TEX101: variants seen among roughly 807,000 people sequenced by gnomAD.
TEX101 encodes the protein testis expressed 101.
Under a neutral mutation model 18.1 loss-of-function variants are expected in TEX101, and 10 were observed. The ratio of observed to expected loss-of-function variants is 0.55; its 90% CI spans 0.34 to 0.94. TEX101 has a LOEUF of 0.94. Ranked by LOEUF, TEX101 falls within the 40% of genes least tolerant of loss-of-function variation. The pLI, the probability that TEX101 is intolerant of heterozygous loss-of-function variation, is 0.02. For synonymous variants in TEX101, 94 were observed against 114.8 expected (o/e 0.82, Z 1.16); for missense variants, 259 against 298.9 (o/e 0.87, Z 0.98).
chr19:43,413,646 A>T (rs1030313779), upstream of TEX101, among the ~76,000 whole-genome samples: 6 of 151,942 alleles, frequency 3.9e-5, no homozygotes, highest in Non-Finnish European at 4.4e-5. Context: ...CTACAACTTC[A>T]TGTCACACCT....
chr19:43,413,647 T>C (rs539973813), upstream of TEX101, among the ~76,000 whole-genome samples: 1 of 152,030 alleles, frequency 6.6e-6, no homozygotes, highest in African/African-American at 2.4e-5. Flanking sequence ...TACAACTTCA[T>C]GTCACACCTG....
chr19:43,394,616 A>C, the TEX101 span, among the ~76,000 whole-genome samples: 1 of 151,992 alleles, frequency 6.6e-6, no homozygotes, highest in Non-Finnish European at 1.5e-5. Context: ...GACTACAAGC[A>C]CGTGCCACCA....
upstream of TEX101, among the ~76,000 whole-genome samples, chr19:43,401,192 C>G (rs1042264788): frequency 4.1e-4 from 62 of 152,308 alleles, no homozygotes; most frequent in African/African-American, 1.4e-3. Context: ...TAAAAAAATT[C>G]ACATATTTAC....
intron 3 of TEX101, among the ~76,000 whole-genome samples, chr19:43,406,931 G>GT (rs1002990799): frequency 0.1 from 11,910 of 115,968 alleles, 646 homozygotes; most frequent in African/African-American, 0.13. Flanking sequence ...TTTGTTTTTT[G>GT]TTTTTTTTTT....
chr19:43,406,178 A>G (rs2122325485), intron 2 of TEX101: 1 of 316,268 alleles, frequency 3.2e-6, no homozygotes. Flanking sequence ...AACAAAACAC[A>G]GCTTAGGCTG....
chr19:43,406,507 G>C (rs189702326), exon 3 of TEX101: 1 of 754,988 alleles, frequency 1.3e-6, no homozygotes, highest in Non-Finnish European at 2.5e-6. Flanking sequence ...GTTCCCGCAT[G>C]GGGGCGAGGC....
At chr19:43,406,728 T>C (rs1454107614) in intron 3 of TEX101, among the ~76,000 whole-genome samples, 1 of 151,908 alleles carries the variant, frequency 6.6e-6, no homozygotes, top group Non-Finnish European at 1.5e-5. Context: ...GACAGAAGCC[T>C]CCCGTTGGGC....
chr19:43,393,589 C>T, the TEX101 span, among the ~76,000 whole-genome samples: 2 of 150,202 alleles, frequency 1.3e-5, no homozygotes, highest in Admixed American at 6.6e-5. Context: ...GTACTTACAG[C>T]AGTCAGCACT....
upstream of TEX101, among the ~76,000 whole-genome samples, chr19:43,414,255 G>A (rs374407177): frequency 9.9e-5 from 15 of 152,190 alleles, no homozygotes; most frequent in African/African-American, 2.4e-4. Context: ...TGACACGGAC[G>A]CGTGGGTTCG....
upstream of TEX101, among the ~76,000 whole-genome samples, chr19:43,400,361 G>T (rs1970308653): frequency 6.6e-6 from 1 of 152,178 alleles, no homozygotes; most frequent in African/African-American, 2.4e-5. Context: ...TTTAGAAAAA[G>T]AAATGCTTTT....
In TEX101 at chr19:43,403,387, T is replaced by C. The variant is rs548204010; in HGVS notation, c.-283+528T>C. Among the ~76,000 whole-genome samples, 5 of 152,164 alleles carry C rather than the reference T, an allele frequency of 3.3e-5. No homozygotes were observed. In the East Asian group the frequency reaches 5.8e-4, roughly 18 times the overall value. Reference sequence around the variant, plus strand: ...ACCAAACACCACATGTTCTCACTCATAGGTGGGAATTGAACAATGAGAACA... The same window carrying C: ...ACCAAACACCACATGTTCTCACTCACAGGTGGGAATTGAACAATGAGAACA... On this transcript the variant is annotated intron_variant, in intron 2 of 7. Transcript: ENST00000602198.
the TEX101 span, among the ~76,000 whole-genome samples, chr19:43,391,028 T>C: frequency 1.3e-5 from 2 of 152,220 alleles, no homozygotes; most frequent in African/African-American, 4.8e-5. Flanking sequence ...ATTATTTCAC[T>C]TAGCAGAAAG....
intron 3 of TEX101, among the ~76,000 whole-genome samples, chr19:43,408,925 C>A (rs1207125762): frequency 6.6e-6 from 1 of 152,138 alleles, no homozygotes; most frequent in East Asian, 1.9e-4. Context: ...TCTCATGAAC[C>A]CGTGGAGGCC....
At chr19:43,393,107 A>AAGGAAGGAAGGAAG in the TEX101 span, among the ~76,000 whole-genome samples, 1,515 of 77,904 alleles carry the variant, frequency 0.019, 15 homozygotes, top group Middle Eastern at 0.092. Context: ...AAGGAAGGAA[A>AAGGAAGGAAGGAAG]GAAAGAAGGA....
In TEX101 at chr19:43,414,963, T is replaced by C; in HGVS notation, c.-115T>C. 1.0e-6 allele frequency: 1 copy of C among 985,442 alleles called. No homozygotes were observed. Among genetic ancestry groups the C allele is most frequent in the Non-Finnish European group, 1.2e-6 (1 of 829,932 alleles). 61.0% of individuals were successfully genotyped at this position (985,442 alleles called of 1,614,324 possible). A position where few individuals can be genotyped will look rare whatever the true frequency, so the allele number is the denominator to read the frequency against. ...CGTCGTGAGATTCTTGTGAGGCGTC[T>C]GCCTGGAAGCCGGCAGCAATTTTGC... On this transcript the variant is annotated 5_prime_UTR_variant, in exon 1 of 6. Coordinates refer to ENST00000598265, the MANE Select transcript of TEX101 (RefSeq NM_001130011.3).
chr19:43,418,165 T>C lies in TEX101; in HGVS notation c.521-3T>C. On this transcript the variant is annotated splice_polypyrimidine_tract_variant and splice_region_variant and intron_variant, in intron 5 of 5. Coordinates refer to ENST00000598265, the MANE Select transcript of TEX101 (RefSeq NM_001130011.3). ...TCTCTCCCGATCCTTCCTTGTTCTA[T>C]AGGTGGCATTGAGTCGTCTGTGGAG... 2 of 1,614,150 alleles carry C rather than the reference T, an allele frequency of 1.2e-6. No individual in the cohort carries two copies. The highest frequency in any genetic ancestry group is 1.1e-5 in the South Asian group (1 of 91,072).
rs1210565636 is a variant in TEX101 at position 43,416,134 on chromosome 19, A to G, written c.100A>G (p.Met34Val). ...GCTGTATTGTCAAAAGGGTCTGTCC[A>G]TGACTGTGGAAGCAGATCCAGCCAA... The part of the protein sequence containing the change: ...LELYCQKGLS[M>V]TVEADPANMF... Residue 34 changes from methionine (M) to valine (V), a missense_variant, in exon 3 of 6, where the codon ATG becomes GTG. By Grantham distance (21) the Met-to-Val change is conservative. Transcript: ENST00000598265. 10 of 1,613,732 alleles carry G rather than the reference A, an allele frequency of 6.2e-6. No individual in the cohort carries two copies. In the Middle Eastern group the frequency reaches 4.9e-4, roughly 80 times the overall value.
chr19:43,404,299 G>T (rs925828852), intron 2 of TEX101, among the ~76,000 whole-genome samples: 4 of 152,082 alleles, frequency 2.6e-5, no homozygotes, highest in African/African-American at 9.7e-5. Flanking sequence ...AGAGGAATGG[G>T]CAATAATTCT....
At chr19:43,403,881 T>C (rs971703896) in intron 2 of TEX101, among the ~76,000 whole-genome samples, 14 of 151,792 alleles carry the variant, frequency 9.2e-5, no homozygotes, top group African/African-American at 3.4e-4. Flanking sequence ...CTACTAAAAA[T>C]GCAAAAAATT....
Sources: allele counts gnomAD v4.1 joint callset (sites outside exome capture counted in the v4.1 genomes callset), GRCh38; gene constraint gnomAD v4.1.1; transcripts MANE v1.5; gene names NCBI Gene and HGNC (gene_info 2026-07-23, HGNC 2026-07-21).